Variants in GSE1 observed in about 807,000 individuals in gnomAD.
GSE1 encodes the protein Gse1 coiled-coil protein, also known as genetic suppressor element 1.
Under a neutral mutation model 112.6 loss-of-function variants are expected in GSE1, and 32 were observed. That is an observed-to-expected ratio of 0.28 (90% CI 0.21 to 0.38). GSE1 has a LOEUF of 0.38. GSE1 is among the 10% of genes least tolerant of loss of function. GSE1 has a pLI of 1.00. For missense variants in GSE1, 2,348 were observed against 1,699.2 expected (o/e 1.38, Z -6.71); for synonymous variants, 1,115 against 735.6 (o/e 1.52, Z -8.35).
intron 1 of GSE1, among the ~76,000 whole-genome samples, chr16:85,599,167 G>A (rs905626362): frequency 2.6e-5 from 4 of 152,228 alleles, no homozygotes; most frequent in African/African-American, 7.2e-5. Flanking sequence ...GTTACCCGGC[G>A]CTTCCTGGAG....
At chr16:85,181,114 C>T (rs545791738) in intron 1 of GSE1, among the ~76,000 whole-genome samples, 128 of 152,346 alleles carry the variant, frequency 8.4e-4, no homozygotes, top group African/African-American at 2.8e-3. Flanking sequence ...CCAGCTTCCG[C>T]AGCTGCCCAC....
chr16:85,667,806 C>G (rs117039523), intron 13 of GSE1, among the ~76,000 whole-genome samples: 1 of 152,058 alleles, frequency 6.6e-6, no homozygotes, highest in Non-Finnish European at 1.5e-5. Context: ...TGCAGTGAGC[C>G]GAGATCACGC....
chr16:85,493,528 C>T (rs11863685), intron 2 of GSE1, among the ~76,000 whole-genome samples: 26,321 of 151,740 alleles, frequency 0.17, 2,426 homozygotes, highest in African/African-American at 0.23. Context: ...CCGAGGCAGG[C>T]GGATCTCCTG....
intron 1 of GSE1, among the ~76,000 whole-genome samples, chr16:85,233,166 C>T (rs934518594): frequency 6.6e-6 from 1 of 152,266 alleles, no homozygotes. Flanking sequence ...CCGACAGTCC[C>T]CCTTGCTGTT....
chr16:85,249,706 A>G (rs1286799305), intron 1 of GSE1, among the ~76,000 whole-genome samples: 3 of 152,196 alleles, frequency 2.0e-5, no homozygotes, highest in Admixed American at 1.3e-4. Context: ...TCCCCGCAGC[A>G]GGACATTTGG....
chr16:85,323,526 C>A (rs907471972), intron 1 of GSE1, among the ~76,000 whole-genome samples: 2 of 152,118 alleles, frequency 1.3e-5, no homozygotes, highest in Non-Finnish European at 2.9e-5. Flanking sequence ...GGCGAGTTGC[C>A]AGGTGGATGG....
intron 2 of GSE1, among the ~76,000 whole-genome samples, chr16:85,457,638 G>T (rs940322854): frequency 6.6e-6 from 1 of 152,056 alleles, no homozygotes; most frequent in African/African-American, 2.4e-5. Flanking sequence ...TGCCTCGTTG[G>T]GTGAAGCTGC....
chr16:85,424,197 GA>G (rs1340951486), intron 2 of GSE1, among the ~76,000 whole-genome samples: 3 of 152,246 alleles, frequency 2.0e-5, no homozygotes, highest in Non-Finnish European at 1.5e-5. Flanking sequence ...TTCATTGGGG[GA>G]CTTACTGAGC....
At chr16:85,662,827 T>C (rs2052541759) in intron 9 of GSE1, 154 bp from the exon 10 acceptor site, 2 of 609,188 alleles carry the variant, frequency 3.3e-6, no homozygotes, top group South Asian at 1.9e-5. Flanking sequence ...TTAATGTTGG[T>C]TTCCACCTCG....
chr16:85,480,412 C>T (rs371174590), intron 2 of GSE1, among the ~76,000 whole-genome samples: 41 of 152,318 alleles, frequency 2.7e-4, no homozygotes, highest in African/African-American at 9.6e-4. Flanking sequence ...GCCTCCACCC[C>T]CCTCTGCCTG....
intron 2 of GSE1, among the ~76,000 whole-genome samples, chr16:85,541,514 C>T (rs2044517594): frequency 6.6e-6 from 1 of 152,240 alleles, no homozygotes; most frequent in Non-Finnish European, 1.5e-5. Context: ...AAAGTCTCAC[C>T]TGGGGGCCCA....
At chr16:85,444,025 G>A (rs1035391750) in intron 2 of GSE1, among the ~76,000 whole-genome samples, 3 of 123,276 alleles carry the variant, frequency 2.4e-5, no homozygotes, top group African/African-American at 9.2e-5. Flanking sequence ...TTGATCTGTC[G>A]CCAGGCTGGA....
At chr16:85,648,203 A>T (rs79563461) in intron 2 of GSE1, among the ~76,000 whole-genome samples, 3 of 150,450 alleles carry the variant, frequency 2.0e-5, no homozygotes, top group Admixed American at 1.3e-4. Context: ...TTCGTCTCTC[A>T]CTCAGGGACG....
chr16:85,477,504 G>A (rs1183862191), intron 2 of GSE1, among the ~76,000 whole-genome samples: 3 of 151,398 alleles, frequency 2.0e-5, no homozygotes, highest in Non-Finnish European at 2.9e-5. Flanking sequence ...GAGCCCCTCC[G>A]GCCTACTGGG....
At chr16:85,473,783 G>A (rs1276783204) in intron 2 of GSE1, among the ~76,000 whole-genome samples, 1 of 152,114 alleles carries the variant, frequency 6.6e-6, no homozygotes, top group Non-Finnish European at 1.5e-5. Context: ...GGGCGGAGGG[G>A]GGGTCACCAT....
chr16:85,605,674 C>T (rs185166126), intron 1 of GSE1, among the ~76,000 whole-genome samples: 3 of 151,890 alleles, frequency 2.0e-5, no homozygotes, highest in East Asian at 1.9e-4. Flanking sequence ...GGGGGGCCAC[C>T]GGCTGTGCTC....
At chr16:85,382,811 TAC>T (rs1324577309) in intron 2 of GSE1, among the ~76,000 whole-genome samples, 2 of 148,766 alleles carry the variant, frequency 1.3e-5, no homozygotes, top group African/African-American at 2.5e-5. Flanking sequence ...CACACACTCA[TAC>T]ACACATGCAC....
chr16:85,434,688 C>T (rs1308433558), intron 2 of GSE1, among the ~76,000 whole-genome samples: 1 of 152,178 alleles, frequency 6.6e-6, no homozygotes, highest in African/African-American at 2.4e-5. Flanking sequence ...CATGGTGGCA[C>T]GCATCTGTAA....
chr16:85,204,770 G>T (rs928749375), intron 1 of GSE1, among the ~76,000 whole-genome samples: 3 of 152,244 alleles, frequency 2.0e-5, no homozygotes, highest in Non-Finnish European at 2.9e-5. Context: ...ACAGGGTGGG[G>T]CTCACATGTC....
Sources: gnomAD v4.1 joint callset for allele counts (sites outside exome capture counted in the v4.1 genomes callset) on GRCh38, gnomAD v4.1.1 for gene constraint, MANE v1.5 for transcripts, NCBI Gene and HGNC (gene_info 2026-07-23, HGNC 2026-07-21) for gene names.